STARD9: variants seen among roughly 807,000 people sequenced by gnomAD.
STARD9 encodes StAR related lipid transfer domain containing 9.
In STARD9, 346 loss-of-function variants were observed where a neutral mutation model predicts 399.8. That is an observed-to-expected ratio of 0.87 (90% CI 0.79 to 0.95). STARD9 has a LOEUF of 0.95. Among genes scored for constraint, STARD9 ranks in the 40% least tolerant of loss-of-function variants. STARD9 has a pLI of 0.00. For synonymous variants in STARD9, 2,203 were observed against 2,143.5 expected, an observed-to-expected ratio of 1.03 and a Z score of -0.77; for missense variants, 5,832 against 5,667.5, an observed-to-expected ratio of 1.03 and a Z score of -0.93.
At chr15:42,658,643 T>C (rs558995678) in intron 9 of STARD9, among the ~76,000 whole-genome samples, 2 of 151,886 alleles carry the variant, frequency 1.3e-5, no homozygotes, top group East Asian at 3.9e-4. Context: ...TTACCATGCC[T>C]GGCTAATTTT....
chr15:42,626,954 G>A (rs917478506), intron 3 of STARD9, among the ~76,000 whole-genome samples: 2 of 151,642 alleles, frequency 1.3e-5, no homozygotes, highest in South Asian at 2.1e-4. Context: ...CGGCTAAAGC[G>A]ATCCTTCAAC....
intron 3 of STARD9, among the ~76,000 whole-genome samples, chr15:42,597,015 A>G (rs1165076284): frequency 6.6e-6 from 1 of 152,172 alleles, no homozygotes; most frequent in East Asian, 1.9e-4. Flanking sequence ...AAGGAAATTG[A>G]TTCATCTGTC....
chr15:42,597,754 C>G (rs1338561036), intron 3 of STARD9, among the ~76,000 whole-genome samples: 1 of 152,046 alleles, frequency 6.6e-6, no homozygotes, highest in Non-Finnish European at 1.5e-5. Context: ...CCAGGCTGGT[C>G]TCGAACTCCT....
chr15:42,655,687 C>T (rs1365499485), intron 9 of STARD9, among the ~76,000 whole-genome samples: 1 of 152,294 alleles, frequency 6.6e-6, no homozygotes, highest in African/African-American at 2.4e-5. Flanking sequence ...GCAAAGACTT[C>T]ATGAGCAAGA....
chr15:42,693,449 G>C lies in STARD9; in HGVS notation c.11871G>C (p.Glu3957Asp). 3.3e-6 allele frequency: 5 copies of C among 1,537,232 alleles called. No individual in the cohort carries two copies. The highest frequency in any genetic ancestry group is 4.4e-6 in the Non-Finnish European group (5 of 1,146,904). ...ATAATTATTCCCAAACCACTGACGA[G>C]TTAGGTGGCTCCCAGAGAGGTAGAA... ...PMDNYSQTTD[E>D]LGGSQRGRSS... Residue 3957 changes from glutamate to aspartate, a missense_variant, in exon 23 of 33, where the codon GAG becomes GAC. Physicochemically the swap from Glu to Asp is conservative, Grantham distance 45. Around this residue, in one of 2 missense-constraint regions of STARD9, gnomAD observed 5,828 missense variants for 5,651.1 expected, o/e 1.03. Coordinates refer to ENST00000290607, the MANE Select transcript of STARD9 (RefSeq NM_020759.3).
intron 3 of STARD9, among the ~76,000 whole-genome samples, chr15:42,619,573 G>C (rs145525359): frequency 6.7e-6 from 1 of 150,302 alleles, no homozygotes; most frequent in Non-Finnish European, 1.5e-5. Flanking sequence ...AAAAATTCTC[G>C]TAAGGAACAT....
At position 42,687,599 on chromosome 15, in the gene STARD9, G is replaced by T. The variant is rs1413505316; in HGVS notation, c.6021G>T (p.Gln2007His). ...PGTKPAYERF[Q>H]LVACPQERNP... Reference sequence around the variant, plus strand: ...CAAAGCCTGCATATGAAAGGTTCCAGTTAGTTGCATGCCCTCAGGAAAGAA... The same window carrying T: ...CAAAGCCTGCATATGAAAGGTTCCATTTAGTTGCATGCCCTCAGGAAAGAA... The change falls in exon 23 of 33, where the codon CAG becomes CAT. Residue 2007 changes from glutamine to histidine, a missense_variant. Physicochemically the swap from Gln to His is conservative, Grantham distance 24. This residue lies in a region of STARD9 where 5,828 missense variants were observed against 5,651.1 expected (regional missense o/e 1.03). Transcript: ENST00000290607. 4 of 1,537,112 alleles carry T rather than the reference G, an allele frequency of 2.6e-6. No homozygotes were observed. The highest frequency in any genetic ancestry group is 1.7e-4 in the Middle Eastern group (1 of 5,990).
intron 26 of STARD9, among the ~76,000 whole-genome samples, chr15:42,706,113 G>A (rs916652052): frequency 5.9e-5 from 9 of 152,168 alleles, no homozygotes; most frequent in African/African-American, 2.2e-4. Context: ...GCAAGAACTT[G>A]TTACTATTTT....
At chr15:42,679,208 T>C (rs2060375592) in intron 20 of STARD9, among the ~76,000 whole-genome samples, 1 of 152,204 alleles carries the variant, frequency 6.6e-6, no homozygotes. Flanking sequence ...ATTCAGCCAT[T>C]TCTATAGTCA....
Position 42,688,012 on chromosome 15 carries a change from A to G in STARD9, c.6434A>G (p.Gln2145Arg). Residue 2145 changes from glutamine to arginine, a missense_variant, in exon 23 of 33, where the codon CAG (glutamine) becomes CGG (arginine). By Grantham distance (43) the Gln-to-Arg change is conservative. Around this residue, in one of 2 missense-constraint regions of STARD9, gnomAD observed 5,828 missense variants for 5,651.1 expected, o/e 1.03. Transcript: ENST00000290607. ...VNSIGNHPQVQKITPNPFRSR... is the reference protein window; with the variant it reads ...VNSIGNHPQVRKITPNPFRSR... The stretch of plus-strand genomic sequence containing the variant: ...AGCATTGGGAACCATCCCCAGGTCC[A>G]GAAAATCACCCCAAACCCCTTCAGG... 1.3e-6 allele frequency: 2 copies of G among 1,537,556 alleles called. No homozygotes were observed. Among genetic ancestry groups the G allele is most frequent in the Non-Finnish European group, 1.7e-6 (2 of 1,146,978 alleles).
chr15:42,665,303 G>T lies in STARD9; in HGVS notation c.1227G>T (p.Leu409=). The T allele has an allele frequency of 2.0e-6, 3 of 1,537,132 alleles. No individual in the cohort carries two copies. Among genetic ancestry groups the T allele is most frequent in the Non-Finnish European group, 2.6e-6 (3 of 1,146,834 alleles). Residue 409 remains leucine, a synonymous_variant, in exon 14 of 33, where the codon CTG becomes CTT. Coordinates refer to ENST00000290607, the MANE Select transcript of STARD9 (RefSeq NM_020759.3). The stretch of plus-strand genomic sequence containing the variant: ...AACTCAGAGAAGAGATTGAAAGACT[G>T]AAAGCCCTGCTGCTGAGCTTTGAAC... The part of the protein sequence containing the change: ...IRELREEIER[L]KALLLSFELR...
At position 42,689,135 on chromosome 15, in the gene STARD9, C is replaced by A. The variant is rs745989219; in HGVS notation, c.7557C>A (p.Ser2519Arg). ...AGACTGAGGACGTCGGACTGACCAG[C>A]GGTGTTTCCTTAGCACCTGTTTCCC... ...EKETEDVGLT[S>R]GVSLAPVSLP... Residue 2519 changes from serine to arginine, a missense_variant, in exon 23 of 33, where the codon AGC (serine) becomes AGA (arginine). Physicochemically the swap from Ser to Arg is moderately radical, Grantham distance 110 (BLOSUM62 -1). Coordinates refer to ENST00000290607, the MANE Select transcript of STARD9 (RefSeq NM_020759.3). The A allele has an allele frequency of 1.2e-5, 18 of 1,537,144 alleles. No individual in the cohort carries two copies. In the East Asian group the frequency reaches 4.2e-4, roughly 35 times the overall value.
At chr15:42,581,352 G>A in intron 1 of STARD9, 6 of 1,436,384 alleles carry the variant, frequency 4.2e-6, no homozygotes, top group Non-Finnish European at 5.9e-6. Flanking sequence ...TTCTCCTGGT[G>A]TGGTGGAGAA....
rs150686043 is a variant in STARD9, at chr15:42,629,463, A to G, written c.235-5393A>G. Among the ~76,000 whole-genome samples the G allele has an allele frequency of 7.9e-5, 12 of 152,212 alleles. No homozygotes were observed. The South Asian group carries it at 1.7e-3, about 21-fold the overall frequency. ...ATATAGAAATGCTACTGATTTTTGT[A>G]TGTTGATTTTGTATCTTGCAAGTTT... On this transcript the variant is annotated intron_variant, in intron 3 of 32. Coordinates refer to ENST00000290607, the MANE Select transcript of STARD9 (RefSeq NM_020759.3).
intron 1 of STARD9, among the ~76,000 whole-genome samples, chr15:42,579,604 G>A (rs2058126174): frequency 6.6e-6 from 1 of 152,140 alleles, no homozygotes; most frequent in South Asian, 2.1e-4. Flanking sequence ...GAGGGAGGTA[G>A]GGAGGGAAAT....
Position 42,585,700 on chromosome 15 carries a change from T to C in STARD9, c.234+63T>C, listed in dbSNP as rs911751718. 2.8e-6 allele frequency: 3 copies of C among 1,062,290 alleles called. No individual in the cohort carries two copies. The African/African-American group carries it at 4.7e-5, about 17-fold the overall frequency. The allele number at this position is 1,062,290 out of a possible 1,614,324, so 65.8% of individuals were successfully genotyped here. A position where few individuals can be genotyped will look rare whatever the true frequency, so the allele number is the denominator to read the frequency against. ...TTTTTTATGTATAATATTTAAGATG[T>C]TTATTATAAAGATACTTTGCAAGGT... On this transcript the variant is annotated intron_variant, in intron 3 of 32. Coordinates refer to ENST00000290607, the MANE Select transcript of STARD9 (RefSeq NM_020759.3).
In STARD9 at chr15:42,694,694, C is replaced by A; in HGVS notation, c.12931C>A (p.Gln4311Lys). 6 of 1,537,122 alleles carry A rather than the reference C, an allele frequency of 3.9e-6. No homozygotes were observed. The highest frequency in any genetic ancestry group is 5.2e-6 in the Non-Finnish European group (6 of 1,146,880). Reference sequence around the variant, plus strand: ...CAGCAGACGCCGAGAATACCTGCAGCAACTGAGGAAGGATGTTGTGGAGAC... The same window carrying A: ...CAGCAGACGCCGAGAATACCTGCAGAAACTGAGGAAGGATGTTGTGGAGAC... The part of the protein sequence containing the change: ...LPSRRREYLQ[Q>K]LRKDVVETTR... Residue 4311 changes from glutamine to lysine, a missense_variant, in exon 24 of 33, where the codon CAA (glutamine) becomes AAA (lysine). By Grantham distance (53) the Gln-to-Lys change is moderately conservative. Transcript: ENST00000290607.
Position 42,583,358 on chromosome 15 carries a change from AG to A in STARD9, c.65del (p.Gly22GlufsTer17), listed in dbSNP as rs1813702957. 6 of 1,536,874 alleles carry A rather than the reference AG, an allele frequency of 3.9e-6. No individual in the cohort carries two copies. Among genetic ancestry groups the A allele is most frequent in the Non-Finnish European group, 5.2e-6 (6 of 1,146,486 alleles). On this transcript the variant is annotated frameshift_variant, in exon 2 of 33. Transcript: ENST00000290607. LOFTEE classifies it high-confidence loss of function. ...RPLSKRETKE[G>X]GRIIVEVDGK... ...GTCTTGTTTCTAGGGAGACCAAAGAAGGGGGAAGAATTATTGTGGAAGTTGA... is the reference window on the plus strand; with the variant it reads ...GTCTTGTTTCTAGGGAGACCAAAGAAGGGGAAGAATTATTGTGGAAGTTGA...
Position 42,575,670 on chromosome 15 carries a change from A to G in STARD9, c.-46A>G. On this transcript the variant is annotated 5_prime_UTR_variant, in exon 1 of 33. The change abolishes an upstream ATG in the 5' untranslated region. Transcript: ENST00000290607. Reference sequence around the variant, plus strand: ...TCTGGGCTTAGGGCGGGGGCCTGGGATGCTGCCGCTGAGCTGACCCGCTGG... The same window carrying G: ...TCTGGGCTTAGGGCGGGGGCCTGGGGTGCTGCCGCTGAGCTGACCCGCTGG... The G allele has an allele frequency of 6.5e-7, 1 of 1,533,642 alleles. No individual in the cohort carries two copies. Among genetic ancestry groups the G allele is most frequent in the Non-Finnish European group, 8.7e-7 (1 of 1,145,180 alleles).
Sources: gnomAD v4.1 joint callset for allele counts (sites outside exome capture counted in the v4.1 genomes callset) on GRCh38, gnomAD v4.1.1 for gene constraint, gnomAD v4.1.1 regional missense constraint, MANE v1.5 for transcripts, NCBI Gene and HGNC (gene_info 2026-07-23, HGNC 2026-07-21) for gene names.